The following NUBPL variants were observed in gnomAD, a reference collection of about 807,000 sequenced individuals.
NUBPL encodes iron-sulfur cluster transfer protein NUBPL.
A neutral mutation model predicts 45.7 loss-of-function variants in NUBPL; 31 were observed. That is an observed-to-expected ratio of 0.68 (90% CI 0.51 to 0.92). The LOEUF is 0.92. Among genes scored for constraint, NUBPL ranks in the 40% least tolerant of loss-of-function variants. NUBPL has a pLI of 0.00. For missense variants in NUBPL, 401 were observed against 398.7 expected, an observed-to-expected ratio of 1.01 and a Z score of -0.05; for synonymous variants, 144 against 140.9, an observed-to-expected ratio of 1.02 and a Z score of -0.15.
intron 6 of NUBPL, among the ~76,000 whole-genome samples, chr14:31,755,212 C>T (rs1218304717): frequency 6.6e-6 from 1 of 151,900 alleles, no homozygotes; most frequent in Non-Finnish European, 1.5e-5. Flanking sequence ...GGGTATATAC[C>T]CAGTAATGGG....
intron 6 of NUBPL, among the ~76,000 whole-genome samples, chr14:31,689,631 T>C (rs1399553040): frequency 1.3e-5 from 2 of 152,234 alleles, no homozygotes; most frequent in Non-Finnish European, 2.9e-5. Flanking sequence ...AGTCTGTTGA[T>C]AGTTTCTTTT....
intron 6 of NUBPL, among the ~76,000 whole-genome samples, chr14:31,742,237 TACACAC>T (rs3035713): frequency 2.4e-3 from 343 of 141,470 alleles, no homozygotes; most frequent in Admixed American, 4.6e-3. Flanking sequence ...AACTATTGTG[TACACAC>T]ACACACACAC....
chr14:31,694,167 A>G (rs2037162960), intron 6 of NUBPL, among the ~76,000 whole-genome samples: 1 of 152,026 alleles, frequency 6.6e-6, no homozygotes, highest in Non-Finnish European at 1.5e-5. Flanking sequence ...CATGAGGTAG[A>G]CTTTCTATAT....
chr14:31,561,478 G>T lies in NUBPL; in HGVS notation c.39G>T (p.Val13=), dbSNP rs2033276273. The T allele has an allele frequency of 7.1e-7, 1 of 1,413,316 alleles. No homozygotes were observed. The highest frequency in any genetic ancestry group is 1.5e-5 in the African/African-American group (1 of 67,816). 87.5% of individuals were successfully genotyped at this position (1,413,316 alleles called of 1,614,324 possible). Reference sequence around the variant, plus strand: ...AGCGTCTGCTGCTTTTTGGTGGGGTGTCGCTCCGGGCTGGTGGCGGGGCCA... The same window carrying T: ...AGCGTCTGCTGCTTTTTGGTGGGGTTTCGCTCCGGGCTGGTGGCGGGGCCA... ...IWQRLLLFGG[V]SLRAGGGATA... The change falls in exon 1 of 11, where the codon GTG becomes GTT. Residue 13 remains valine (V), a synonymous_variant. Transcript: ENST00000281081.
chr14:31,579,018 G>C (rs1400413101), intron 3 of NUBPL, among the ~76,000 whole-genome samples: 1 of 152,180 alleles, frequency 6.6e-6, no homozygotes, highest in Admixed American at 6.6e-5. Flanking sequence ...AAAGTACTCA[G>C]GTAGTCTTTG....
At chr14:31,755,623 A>G (rs1441842202) in intron 6 of NUBPL, among the ~76,000 whole-genome samples, 6 of 152,088 alleles carry the variant, frequency 3.9e-5, no homozygotes, top group East Asian at 1.9e-4. Flanking sequence ...AGTAGGTTGC[A>G]AAAATTTTCT....
At chr14:31,793,662 T>A (rs536934604) in intron 7 of NUBPL, among the ~76,000 whole-genome samples, 1 of 152,108 alleles carries the variant, frequency 6.6e-6, no homozygotes, top group South Asian at 2.1e-4. Context: ...TCTTTCCAAC[T>A]AGGCTGGAAG....
chr14:31,789,771 A>G (rs533277081), intron 7 of NUBPL, among the ~76,000 whole-genome samples: 3 of 152,278 alleles, frequency 2.0e-5, no homozygotes, highest in South Asian at 4.1e-4. Flanking sequence ...TAATAGAGAT[A>G]CTTTTGCTGT....
intron 4 of NUBPL, among the ~76,000 whole-genome samples, chr14:31,649,739 T>C (rs2035950160): frequency 6.6e-6 from 1 of 152,230 alleles, no homozygotes; most frequent in Admixed American, 6.5e-5. Context: ...TTTAAAAATG[T>C]TAAGTATACA....
chr14:31,603,265 A>T (rs2034494055), intron 4 of NUBPL, among the ~76,000 whole-genome samples: 2 of 149,108 alleles, frequency 1.3e-5, no homozygotes, highest in South Asian at 4.2e-4. Flanking sequence ...GCACCACTGT[A>T]CTCCAGCCTG....
chr14:31,808,231 G>A (rs1219668023), intron 7 of NUBPL, among the ~76,000 whole-genome samples: 4 of 152,074 alleles, frequency 2.6e-5, no homozygotes, highest in Admixed American at 6.6e-5. Context: ...CCATTTTCAC[G>A]ATATTGATTC....
chr14:31,786,876 A>G (rs1424948646), intron 6 of NUBPL, among the ~76,000 whole-genome samples: 4 of 152,218 alleles, frequency 2.6e-5, no homozygotes. Context: ...ATGTAGCACT[A>G]TCAAACTTCC....
intron 4 of NUBPL, among the ~76,000 whole-genome samples, chr14:31,600,235 T>C (rs2034394624): frequency 6.6e-6 from 1 of 152,168 alleles, no homozygotes; most frequent in Non-Finnish European, 1.5e-5. Flanking sequence ...TAATTTTTAT[T>C]TGGCAATCAT....
At chr14:31,609,226 A>T (rs937964378) in intron 4 of NUBPL, among the ~76,000 whole-genome samples, 1 of 152,206 alleles carries the variant, frequency 6.6e-6, no homozygotes, top group African/African-American at 2.4e-5. Flanking sequence ...AAAGGGGTAT[A>T]AAAGATACTC....
intron 6 of NUBPL, among the ~76,000 whole-genome samples, chr14:31,682,850 A>G (rs992954515): frequency 6.6e-6 from 1 of 152,108 alleles, no homozygotes; most frequent in Non-Finnish European, 1.5e-5. Flanking sequence ...AAAGAGGTTT[A>G]TTTGGCTCAT....
chr14:31,856,869 C>T (rs987261775), intron 10 of NUBPL, among the ~76,000 whole-genome samples: 1 of 152,142 alleles, frequency 6.6e-6, no homozygotes, highest in Non-Finnish European at 1.5e-5. Flanking sequence ...CATGGTTTGG[C>T]GTTGAGTTTC....
chr14:31,769,228 G>T (rs2038965328), intron 6 of NUBPL, among the ~76,000 whole-genome samples: 1 of 152,140 alleles, frequency 6.6e-6, no homozygotes, highest in Admixed American at 6.5e-5. Context: ...TGAATACATA[G>T]CTCATAGGAG....
chr14:31,731,889 T>TTCTA (rs1250584543), intron 6 of NUBPL, among the ~76,000 whole-genome samples: 1 of 152,092 alleles, frequency 6.6e-6, no homozygotes, highest in Non-Finnish European at 1.5e-5. Flanking sequence ...CTCTCTAGAT[T>TTCTA]TCTAGTTCCT....
intron 7 of NUBPL, 61 bp from the exon 8 acceptor site, chr14:31,826,568 C>G: frequency 4.1e-6 from 6 of 1,446,622 alleles, no homozygotes; most frequent in Non-Finnish European, 5.8e-6. Flanking sequence ...CAACATAATG[C>G]TGGAAGTAAT....
Sources: allele counts gnomAD v4.1 joint callset (sites outside exome capture counted in the v4.1 genomes callset), GRCh38; gene constraint gnomAD v4.1.1; transcripts MANE v1.5; gene names NCBI Gene and HGNC (gene_info 2026-07-23, HGNC 2026-07-21).